FHAD1: variants seen among roughly 807,000 people sequenced by gnomAD.
FHAD1 encodes the protein forkhead associated phosphopeptide binding domain 1.
FHAD1 carries 146 observed loss-of-function variants against 191.3 expected under a neutral mutation model. The ratio of observed to expected loss-of-function variants is 0.76; its 90% CI spans 0.67 to 0.88. FHAD1 has a LOEUF of 0.88. Ranked by LOEUF, FHAD1 falls within the 40% of genes least tolerant of loss-of-function variation. The probability of loss-of-function intolerance (pLI) is 0.00; values close to 1 mark genes in which losing one functional copy is unlikely to be tolerated. For missense variants in FHAD1, 1,635 were observed against 1,785.8 expected (o/e 0.92, Z 1.52); for synonymous variants, 616 against 672.3 (o/e 0.92, Z 1.29).
chr1:15,268,975 T>G (rs1654758546), intron 2 of FHAD1, among the ~76,000 whole-genome samples: 1 of 152,166 alleles, frequency 6.6e-6, no homozygotes, highest in East Asian at 1.9e-4. Flanking sequence ...TATTATAGAA[T>G]ATAAATATTC....
intron 23 of FHAD1, chr1:15,364,067 C>T (rs1324563687): frequency 6.7e-6 from 2 of 297,044 alleles, no homozygotes; most frequent in Non-Finnish European, 1.3e-5. Flanking sequence ...CACCACCCAG[C>T]TCTGCTCTGG....
chr1:15,392,287 C>T (rs1168910928), intron 33 of FHAD1, among the ~76,000 whole-genome samples: 1 of 152,224 alleles, frequency 6.6e-6, no homozygotes, highest in Non-Finnish European at 1.5e-5. Context: ...AATCCCAGCA[C>T]TTTGGGAGGC....
chr1:15,289,506 C>T lies in FHAD1; in HGVS notation c.408C>T (p.His136=), dbSNP rs1236659133. The T allele has an allele frequency of 1.9e-6, 3 of 1,551,890 alleles. No homozygotes were observed. The highest frequency in any genetic ancestry group is 1.4e-5 in the African/African-American group (1 of 73,184). Residue 136 remains histidine (H), a synonymous_variant, in exon 4 of 34, where the codon CAC becomes CAT. Transcript: ENST00000688493. This position sits in a 1 kb window ranked among gnomAD's most constrained non-coding sequence, Gnocchi z 4.2. The stretch of plus-strand genomic sequence containing the variant: ...CCCCACCATCACATATCCCCTTCCA[C>T]CAAGGTGTCCAGCCAGCACCGATGC... The part of the protein sequence containing the change: ...QAPPPSHIPF[H]QGVQPAPMQR...
Position 15,327,416 on chromosome 1 carries a change from A to G in FHAD1, c.1557+274A>G. On this transcript the variant is annotated intron_variant, in intron 12 of 33. Coordinates refer to ENST00000688493, the MANE Select transcript of FHAD1 (RefSeq NM_001391957.1). This position sits in a 1 kb window ranked among gnomAD's most constrained non-coding sequence, Gnocchi z 5.1. ...CTCCAGACATGCATGTTTCGCCTCC[A>G]TTAGCACTGGGAGAAAGGGAGCCGC... 2.9e-6 allele frequency: 1 copy of G among 350,242 alleles called. No individual in the cohort carries two copies. The highest frequency in any genetic ancestry group is 4.9e-5 in the South Asian group (1 of 20,580). The allele number at this position is 350,242 out of a possible 1,614,324, so 21.7% of individuals were successfully genotyped here.
At position 15,271,144 on chromosome 1, in the gene FHAD1, A is replaced by G. The variant is rs1226914594; in HGVS notation, c.94-1179A>G. Among the ~76,000 whole-genome samples the G allele has an allele frequency of 6.9e-4, 93 of 133,968 alleles. 3 individuals carry two copies. In the South Asian group the frequency reaches 0.011, roughly 16 times the overall value. The allele number at this position is 133,968 out of a possible 152,430, so 87.9% of individuals were successfully genotyped here. ...ACAGAGCGAGACTCCATCTCGGAAA[A>G]AAAAAAAAAAAAAAAAAAATTAGCT... On this transcript the variant is annotated intron_variant, in intron 2 of 33. Transcript: ENST00000688493.
At chr1:15,376,045 T>TTTTATTTATTTA (rs1236529137) in intron 28 of FHAD1, among the ~76,000 whole-genome samples, 58 of 130,756 alleles carry the variant, frequency 4.4e-4, no homozygotes, top group South Asian at 5.0e-4. Context: ...TTTATTTTTA[T>TTTTATTTATTTA]TTTATTTATT....
intron 3 of FHAD1, among the ~76,000 whole-genome samples, chr1:15,281,121 C>T (rs567577149): frequency 6.6e-6 from 1 of 152,314 alleles, no homozygotes; most frequent in South Asian, 2.1e-4. Flanking sequence ...ATCCTGGCAC[C>T]CGCCAGGGGC....
At chr1:15,343,205 C>T (rs569457510) in intron 16 of FHAD1, among the ~76,000 whole-genome samples, 7 of 152,138 alleles carry the variant, frequency 4.6e-5, no homozygotes, top group African/African-American at 1.2e-4. Flanking sequence ...CTCTCCCCGC[C>T]GACTCTCCAC....
chr1:15,290,907 G>A (rs967382142), intron 4 of FHAD1, among the ~76,000 whole-genome samples: 8 of 151,690 alleles, frequency 5.3e-5, no homozygotes, highest in African/African-American at 1.9e-4. Context: ...GTAGAGATGG[G>A]GTTTCACCAT....
At chr1:15,287,464 A>G (rs923071449) in intron 3 of FHAD1, among the ~76,000 whole-genome samples, 1 of 152,196 alleles carries the variant, frequency 6.6e-6, no homozygotes, top group Non-Finnish European at 1.5e-5. Context: ...CCTTCCTCAC[A>G]TGGCGGCAGC....
At chr1:15,390,344 C>CAAAAA (rs59353142) in intron 32 of FHAD1, among the ~76,000 whole-genome samples, 4 of 69,224 alleles carry the variant, frequency 5.8e-5, no homozygotes, top group African/African-American at 2.2e-4. Flanking sequence ...GACTCTGTCT[C>CAAAAA]AAAAAAAAAA....
chr1:15,343,861 C>T (rs558999397), intron 16 of FHAD1: 37 of 152,330 alleles, frequency 2.4e-4, no homozygotes, highest in Non-Finnish European at 5.0e-4. Context: ...CATCGGCATC[C>T]CAAATGCCTT....
Position 15,272,397 on chromosome 1 carries a change from C to T in FHAD1, c.168C>T (p.Phe56=). ...EAECSFVLQD[F]NSRNGTFVNE... is the part of the protein sequence containing the mutation. ...AGTGCAGCTTTGTTCTCCAGGACTT[C>T]AATTCCCGCAACGGCACGTTTGTCA... Residue 56 remains phenylalanine (F), a synonymous_variant, in exon 3 of 34, where the codon TTC becomes TTT. Transcript: ENST00000688493. The T allele has an allele frequency of 6.4e-7, 1 of 1,551,752 alleles. No individual in the cohort carries two copies. The highest frequency in any genetic ancestry group is 1.2e-5 in the South Asian group (1 of 84,060).
intron 33 of FHAD1, among the ~76,000 whole-genome samples, chr1:15,396,694 C>T (rs879765041): frequency 6.6e-6 from 1 of 151,942 alleles, no homozygotes; most frequent in Non-Finnish European, 1.5e-5. Flanking sequence ...CCTGTAGTCC[C>T]AGCTGCTTGG....
At chr1:15,342,922 A>C in intron 16 of FHAD1, among the ~76,000 whole-genome samples, 1 of 152,212 alleles carries the variant, frequency 6.6e-6, no homozygotes, top group South Asian at 2.1e-4. Flanking sequence ...CAGTCTCTCA[A>C]GTAGCTGGGA....
intron 3 of FHAD1, among the ~76,000 whole-genome samples, chr1:15,277,756 C>T (rs1374421419): frequency 2.6e-5 from 4 of 152,180 alleles, no homozygotes; most frequent in African/African-American, 9.7e-5. Flanking sequence ...TCCTCATTCG[C>T]CTCCACTATC....
At chr1:15,259,110 G>C (rs1055210239) in intron 2 of FHAD1, among the ~76,000 whole-genome samples, 4 of 152,142 alleles carry the variant, frequency 2.6e-5, no homozygotes, top group African/African-American at 9.7e-5. Flanking sequence ...TGTTTTTACA[G>C]TAGCCATCCT....
intron 2 of FHAD1, among the ~76,000 whole-genome samples, chr1:15,254,111 G>A (rs1021781502): frequency 1.2e-4 from 18 of 152,160 alleles, no homozygotes; most frequent in Non-Finnish European, 2.5e-4. Flanking sequence ...AGTGTACAAA[G>A]TGGAAAAATC....
At chr1:15,368,336 A>G (rs1697120328) in intron 25 of FHAD1, among the ~76,000 whole-genome samples, 1 of 152,076 alleles carries the variant, frequency 6.6e-6, no homozygotes, top group Admixed American at 6.6e-5. Context: ...CTTGCCCACT[A>G]TTGATTTCCC....
Sources: gnomAD v4.1 joint callset for allele counts (sites outside exome capture counted in the v4.1 genomes callset) on GRCh38, gnomAD v4.1.1 for gene constraint, Gnocchi (gnomAD v3.1) non-coding constraint, MANE v1.5 for transcripts, NCBI Gene and HGNC (gene_info 2026-07-23, HGNC 2026-07-21) for gene names.